C1orf198: variants seen among roughly 807,000 people sequenced by gnomAD.
C1orf198 encodes uncharacterized protein C1orf198.
In C1orf198, 17 loss-of-function variants were observed where a neutral mutation model predicts 31.4. The ratio of observed to expected loss-of-function variants is 0.54; its 90% confidence interval spans 0.37 to 0.81. The LOEUF is 0.81. C1orf198 is among the 40% of genes least tolerant of loss of function. The pLI is 0.00. For missense variants in C1orf198, 401 were observed against 450.3 expected (o/e 0.89, Z 0.99); for synonymous variants, 175 against 193.8 (o/e 0.90, Z 0.81).
intron 3 of C1orf198, among the ~76,000 whole-genome samples, chr1:230,841,697 A>G (rs958592959): frequency 6.6e-6 from 1 of 152,266 alleles, no homozygotes; most frequent in Non-Finnish European, 1.5e-5. Flanking sequence ...AAAATGACGC[A>G]GCTGCTGTGG....
chr1:230,869,218 G>T (rs1670202890), upstream of C1orf198: 1 of 152,318 alleles, frequency 6.6e-6, no homozygotes, highest in Admixed American at 6.5e-5. Context: ...CGCCCCTCGG[G>T]GCCAGGTGGG....
rs34864456 is a variant in C1orf198 at position 230,843,461 on chromosome 1, C to T, written c.820G>A (p.Ala274Thr). The T allele has an allele frequency of 1.9e-6, 3 of 1,608,904 alleles. No individual in the cohort carries two copies. The highest frequency in any genetic ancestry group is 2.5e-6 in the Non-Finnish European group (3 of 1,177,746). Residue 274 changes from alanine to threonine, a missense_variant, in exon 3 of 4, where the codon GCA becomes ACA. Transcript: ENST00000366663. The surrounding 1 kb of genome is among the most constrained non-coding windows in gnomAD (Gnocchi z 4.9). The stretch of plus-strand genomic sequence containing the variant: ...TGGGAGGGGGCAGCCTCGTGCAGTG[C>T]ACTGCTGAAGGCCTGGACAGGCTGG... Reference protein sequence around the residue: ...RPQPVQAFSSALHEAAPSQLE... With the variant: ...RPQPVQAFSSTLHEAAPSQLE...
rs916869275 is a variant in C1orf198, at chr1:230,855,820, C to A, written c.334-102G>T. The A allele has an allele frequency of 7.2e-6, 11 of 1,527,968 alleles. No individual in the cohort carries two copies. In the Middle Eastern group the frequency reaches 5.3e-4, roughly 73 times the overall value. 94.7% of individuals were successfully genotyped at this position (1,527,968 alleles called of 1,614,324 possible). A position where few individuals can be genotyped will look rare whatever the true frequency, so the allele number is the denominator to read the frequency against. The stretch of plus-strand genomic sequence containing the variant: ...GGGGAACCAAAACTTAGGAATAATC[C>A]CAACTCCTGGCTCTAAACAAGCCTG... On this transcript the variant is annotated intron_variant, in intron 1 of 3. Transcript: ENST00000366663.
chr1:230,843,283 G>C lies in C1orf198; in HGVS notation c.927+71C>G. ...GGCACCTGTGGCCTGCCTGCTTTGT[G>C]GGGGACCCTCTCGGTTCCCGTGGAA... On this transcript the variant is annotated intron_variant, in intron 3 of 3. Transcript: ENST00000366663. This position sits in a 1 kb window ranked among gnomAD's most constrained non-coding sequence, Gnocchi z 4.9. 6.7e-7 allele frequency: 1 copy of C among 1,498,158 alleles called. No individual in the cohort carries two copies. The highest frequency in any genetic ancestry group is 1.3e-5 in the South Asian group (1 of 76,702). 92.8% of individuals were successfully genotyped at this position (1,498,158 alleles called of 1,614,324 possible). A position where few individuals can be genotyped will look rare whatever the true frequency, so the allele number is the denominator to read the frequency against.
Position 230,843,242 on chromosome 1 carries a change from G to T in C1orf198, c.927+112C>A. ...CTCTGAGGAAGAGGCAGGGGAAGGA[G>T]AAGAAAAAGAGCATGGGCACCTGTG... On this transcript the variant is annotated intron_variant, in intron 3 of 3. Coordinates refer to ENST00000366663, the MANE Select transcript of C1orf198 (RefSeq NM_032800.3). The surrounding 1 kb of genome is among the most constrained non-coding windows in gnomAD (Gnocchi z 4.9). The T allele has an allele frequency of 7.9e-7, 1 of 1,267,800 alleles. No homozygotes were observed. The highest frequency in any genetic ancestry group is 1.5e-5 in the African/African-American group (1 of 65,138). The allele number at this position is 1,267,800 out of a possible 1,614,324, so 78.5% of individuals were successfully genotyped here. A position where few individuals can be genotyped will look rare whatever the true frequency, so the allele number is the denominator to read the frequency against.
intron 3 of C1orf198, among the ~76,000 whole-genome samples, chr1:230,841,934 C>T (rs1034171308): frequency 2.0e-5 from 3 of 152,202 alleles, no homozygotes; most frequent in Admixed American, 6.5e-5. Context: ...GTGGTCTAAC[C>T]ACACGATGGA....
chr1:230,859,692 C>T (rs749871017), intron 1 of C1orf198, among the ~76,000 whole-genome samples: 5 of 152,132 alleles, frequency 3.3e-5, no homozygotes, highest in Non-Finnish European at 7.3e-5. Flanking sequence ...CCAGTCCCCA[C>T]GCAGCTCCAA....
At chr1:230,856,060 A>G in intron 1 of C1orf198, 1 of 960,406 alleles carries the variant, frequency 1.0e-6, no homozygotes, top group South Asian at 5.0e-5. Flanking sequence ...AGCCCTGAAC[A>G]ATGATTAGCT....
rs1423842388 is a variant in C1orf198 at position 230,839,530 on chromosome 1, T to C, written c.*322A>G. On this transcript the variant is annotated 3_prime_UTR_variant, in exon 4 of 4. Transcript: ENST00000366663. ...CACTTATATGATTTTTGTGACATGG[T>C]TGAAACACATCCTTTGAGGAGGGGG... 1.1e-5 allele frequency: 3 copies of C among 280,950 alleles called. 1 individual carries two copies. Among genetic ancestry groups the C allele is most frequent in the South Asian group, 8.2e-5 (2 of 24,408 alleles). 17.4% of individuals were successfully genotyped at this position (280,950 alleles called of 1,614,324 possible).
In C1orf198 at chr1:230,868,212, T is replaced by C. The variant is rs1670165354; in HGVS notation, c.301A>G (p.Thr101Ala). ...LTRFPGLRGP[T>A]GQKVVRFGDE... is the part of the protein sequence containing the mutation. ...CCGAAGCGCACCACCTTCTGGCCCG[T>C]GGGCCCGCGCAAGCCGGGGAAGCGC... The change falls in exon 1 of 4, where the codon ACG becomes GCG. Residue 101 changes from threonine to alanine, a missense_variant. By Grantham distance (58) the Thr-to-Ala change is moderately conservative. Coordinates refer to ENST00000366663, the MANE Select transcript of C1orf198 (RefSeq NM_032800.3). The C allele has an allele frequency of 6.6e-7, 1 of 1,523,966 alleles. No individual in the cohort carries two copies. Among genetic ancestry groups the C allele is most frequent in the African/African-American group, 1.4e-5 (1 of 69,164 alleles). 94.4% of individuals were successfully genotyped at this position (1,523,966 alleles called of 1,614,324 possible). A position where few individuals can be genotyped will look rare whatever the true frequency, so the allele number is the denominator to read the frequency against.
intron 1 of C1orf198, 116 bp downstream of exon 1, chr1:230,868,064 T>G: frequency 5.0e-6 from 5 of 1,007,506 alleles, no homozygotes; most frequent in African/African-American, 1.7e-5. Context: ...CATTCCTGCC[T>G]TTTCTTTTCC....
In C1orf198 at chr1:230,857,167, GGGCA is replaced by G; in HGVS notation, c.334-1453_334-1450del. Among the ~76,000 whole-genome samples, 1 of 152,290 alleles carries G rather than the reference GGGCA, an allele frequency of 6.6e-6. No individual in the cohort carries two copies. Among genetic ancestry groups the G allele is most frequent in the African/African-American group, 2.4e-5 (1 of 41,544 alleles). ...AAATAACGAAGGCATGCCAGGGTCTGGGCAGCTGAAGGCCTATTCCCAAGAAGCG... is the reference window on the plus strand; with the variant it reads ...AAATAACGAAGGCATGCCAGGGTCTGGCTGAAGGCCTATTCCCAAGAAGCG... On this transcript the variant is annotated intron_variant, in intron 1 of 3. Coordinates refer to ENST00000366663, the MANE Select transcript of C1orf198 (RefSeq NM_032800.3). This position sits in a 1 kb window ranked among gnomAD's most constrained non-coding sequence, Gnocchi z 4.2.
rs1183139058 is a variant in C1orf198, at chr1:230,843,691, C to T, written c.590G>A (p.Arg197Gln). ...EASFWKINAE[R>Q]SRGEGPEAEF... The stretch of plus-strand genomic sequence containing the variant: ...GGCCTCAGGCCCCTCCCCTCGGGAC[C>T]GCTCAGCATTGATCTTCCAGAATGA... The change falls in exon 3 of 4, where the codon CGG (arginine) becomes CAG (glutamine). Residue 197 changes from arginine to glutamine, a missense_variant. Arg to Gln is a conservative substitution (Grantham distance 43). Coordinates refer to ENST00000366663, the MANE Select transcript of C1orf198 (RefSeq NM_032800.3). This position sits in a 1 kb window ranked among gnomAD's most constrained non-coding sequence, Gnocchi z 4.9. The T allele has an allele frequency of 9.3e-6, 15 of 1,614,154 alleles. No homozygotes were observed. Among genetic ancestry groups the T allele is most frequent in the Non-Finnish European group, 1.2e-5 (14 of 1,179,970 alleles).
intron 2 of C1orf198, among the ~76,000 whole-genome samples, chr1:230,850,661 G>T (rs145470028): frequency 0.015 from 2,243 of 152,114 alleles, 32 homozygotes; most frequent in Middle Eastern, 0.041. Flanking sequence ...TCAGGAAGGG[G>T]TGAGGCACAG....
rs1382611118 is a variant in C1orf198, at chr1:230,838,910, T to C, written c.*942A>G. The C allele has an allele frequency of 6.6e-6, 1 of 152,400 alleles. No homozygotes were observed. Among genetic ancestry groups the C allele is most frequent in the African/African-American group, 2.4e-5 (1 of 41,466 alleles). 9.4% of individuals were successfully genotyped at this position (152,400 alleles called of 1,614,324 possible). A position where few individuals can be genotyped will look rare whatever the true frequency, so the allele number is the denominator to read the frequency against. On this transcript the variant is annotated 3_prime_UTR_variant, in exon 4 of 4. Transcript: ENST00000366663. The surrounding 1 kb of genome is among the most constrained non-coding windows in gnomAD (Gnocchi z 4.2). Reference sequence around the variant, plus strand: ...AAGGTCCGTCATGACGCAACCTGGCTAGCCCTTGGGATAAAGAATGCCCAC... The same window carrying C: ...AAGGTCCGTCATGACGCAACCTGGCCAGCCCTTGGGATAAAGAATGCCCAC...
intron 2 of C1orf198, among the ~76,000 whole-genome samples, chr1:230,846,007 A>C (rs1221793918): frequency 6.6e-6 from 1 of 152,242 alleles, no homozygotes; most frequent in African/African-American, 2.4e-5. Flanking sequence ...AGTAGCTGTC[A>C]CACCACCTAC....
chr1:230,852,779 T>C (rs997574365), intron 2 of C1orf198, among the ~76,000 whole-genome samples: 1 of 152,228 alleles, frequency 6.6e-6, no homozygotes. Flanking sequence ...AACCAAGGAA[T>C]GAATGACATC....
chr1:230,843,872 C>A lies in C1orf198; in HGVS notation c.409G>T (p.Ala137Ser). 1 of 1,518,718 alleles carries A rather than the reference C, an allele frequency of 6.6e-7. No homozygotes were observed. The highest frequency in any genetic ancestry group is 2.3e-5 in the East Asian group (1 of 44,090). 94.1% of individuals were successfully genotyped at this position (1,518,718 alleles called of 1,614,324 possible). ...TKSQMEFSIS[A>S]LSIQEPSNGT... ...TTGCTCGGCTCCTGGATGGATAGGG[C>A]GGAGATACTGAACTCCATCTGACTC... The change falls in exon 3 of 4, where the codon GCC (alanine) becomes TCC (serine). Residue 137 changes from alanine (A) to serine (S), a missense_variant. Physicochemically the swap from Ala to Ser is moderately conservative, Grantham distance 99. Transcript: ENST00000366663. This position sits in a 1 kb window ranked among gnomAD's most constrained non-coding sequence, Gnocchi z 4.9.
intron 1 of C1orf198, among the ~76,000 whole-genome samples, chr1:230,861,331 G>A (rs1669998946): frequency 6.6e-6 from 1 of 152,188 alleles, no homozygotes; most frequent in Admixed American, 6.5e-5. Context: ...GGAACTCTCT[G>A]TACTTTCCGC....
Sources: gnomAD v4.1 joint callset for allele counts (sites outside exome capture counted in the v4.1 genomes callset) on GRCh38, gnomAD v4.1.1 for gene constraint, Gnocchi (gnomAD v3.1) non-coding constraint, MANE v1.5 for transcripts, NCBI Gene and HGNC (gene_info 2026-07-23, HGNC 2026-07-21) for gene names.